ROCK1: variants seen among roughly 807,000 people sequenced by gnomAD.
ROCK1 encodes the protein Rho associated coiled-coil containing protein kinase 1.
ROCK1 carries 36 observed loss-of-function variants against 196.8 expected under a neutral mutation model. That is an observed-to-expected ratio of 0.18 (90% CI 0.14 to 0.24). The LOEUF is 0.24. ROCK1 is among the 10% of genes least tolerant of loss of function. The pLI, the probability that ROCK1 is intolerant of heterozygous loss-of-function variation, is 1.00. For missense variants in ROCK1, 920 were observed against 1,562.0 expected (o/e 0.59, Z 6.93); for synonymous variants, 443 against 515.9 (o/e 0.86, Z 1.91).
At position 20,949,602 on chromosome 18, in the gene ROCK1, C is replaced by T. The variant is rs1468654010; in HGVS notation, c.*1782G>A. 1 of 152,214 alleles carries T rather than the reference C, an allele frequency of 6.6e-6. No individual in the cohort carries two copies. The highest frequency in any genetic ancestry group is 1.9e-4 in the East Asian group (1 of 5,200). The allele number at this position is 152,214 out of a possible 1,614,324, so 9.4% of individuals were successfully genotyped here. ...CATAAATATCCTTGGAAAAGATAGT[C>T]AAAAGAAAGGTTGTCAGAGCCTCTG... On this transcript the variant is annotated 3_prime_UTR_variant, in exon 33 of 33. Coordinates refer to ENST00000399799, the MANE Select transcript of ROCK1 (RefSeq NM_005406.3).
intron 10 of ROCK1, among the ~76,000 whole-genome samples, chr18:21,026,748 A>T (rs544918280): frequency 6.6e-6 from 1 of 152,270 alleles, no homozygotes; most frequent in East Asian, 1.9e-4. Flanking sequence ...AAGATTAGTT[A>T]TAATGACCTC....
At position 20,960,123 on chromosome 18, in the gene ROCK1, A is replaced by C. The variant is rs2035312770; in HGVS notation, c.3423+13T>G. On this transcript the variant is annotated intron_variant, in intron 28 of 32. Transcript: ENST00000399799. ...ACAAAATACCAGTTAGAAAATAATT[A>C]GGTATATGGTACCTGTTTCTTCCAG... 1.3e-6 allele frequency: 2 copies of C among 1,519,936 alleles called. No individual in the cohort carries two copies. Among genetic ancestry groups the C allele is most frequent in the Non-Finnish European group, 9.1e-7 (1 of 1,096,654 alleles). 94.2% of individuals were successfully genotyped at this position (1,519,936 alleles called of 1,614,324 possible).
chr18:21,028,938 A>G lies in ROCK1; in HGVS notation c.1052-3T>C, dbSNP rs1314248325. On this transcript the variant is annotated splice_polypyrimidine_tract_variant and splice_region_variant and intron_variant, in intron 9 of 32. Coordinates refer to ENST00000399799, the MANE Select transcript of ROCK1 (RefSeq NM_005406.3). ...ATCGGGTACAACTGGTGCTACAGCT[A>G]AAGACAAAACAAAATTAGTTGTTCA... The G allele has an allele frequency of 6.2e-7, 1 of 1,604,198 alleles. No individual in the cohort carries two copies. The highest frequency in any genetic ancestry group is 8.5e-7 in the Non-Finnish European group (1 of 1,177,858).
chr18:20,974,058 C>A (rs753707099), intron 22 of ROCK1, among the ~76,000 whole-genome samples: 8 of 152,162 alleles, frequency 5.3e-5, no homozygotes, highest in Non-Finnish European at 1.2e-4. Context: ...GCGTGAGCCA[C>A]CGTGCCCAGC....
Position 20,967,639 on chromosome 18 carries a change from GAAC to G in ROCK1, c.3192+110_3192+112del, listed in dbSNP as rs2035386551. On this transcript the variant is annotated intron_variant, in intron 26 of 32. Coordinates refer to ENST00000399799, the MANE Select transcript of ROCK1 (RefSeq NM_005406.3). ...ATTTCAGTCTGAAACCAAACAGGCA[GAAC>G]CCTTGATTGTTCCCAATCTAAACAA... The G allele has an allele frequency of 5.0e-6, 4 of 806,054 alleles. No homozygotes were observed. The African/African-American group carries it at 7.1e-5, about 14-fold the overall frequency. The allele number at this position is 806,054 out of a possible 1,614,324, so 49.9% of individuals were successfully genotyped here.
At chr18:21,006,008 T>C (rs1357459154) in intron 16 of ROCK1, among the ~76,000 whole-genome samples, 3 of 152,212 alleles carry the variant, frequency 2.0e-5, no homozygotes, top group Non-Finnish European at 4.4e-5. Context: ...AATTTTATGT[T>C]ATATATTTTT....
chr18:21,097,222 A>G (rs1943239395), intron 1 of ROCK1, among the ~76,000 whole-genome samples: 1 of 152,222 alleles, frequency 6.6e-6, no homozygotes, highest in Admixed American at 6.5e-5. Context: ...TGTAGTATAG[A>G]TTATATTGGA....
At chr18:21,046,132 G>C (rs921186903) in intron 4 of ROCK1, among the ~76,000 whole-genome samples, 6 of 151,854 alleles carry the variant, frequency 4.0e-5, no homozygotes, top group African/African-American at 1.2e-4. Flanking sequence ...GGATGGTCTC[G>C]ATCTCCTGAC....
In ROCK1 at chr18:21,006,451, A is replaced by C. The variant is rs112165707; in HGVS notation, c.1785T>G (p.Ser595=). 6,500 of 1,613,752 alleles carry C rather than the reference A, an allele frequency of 4.0e-3. 29 individuals are homozygous for C. Among genetic ancestry groups the C allele is most frequent in the Non-Finnish European group, 4.1e-3 (4,829 of 1,179,924 alleles). The stretch of plus-strand genomic sequence containing the variant: ...AATAATCTTTGTCTGTTTGTGACTT[A>C]GAATTCTCTAAAATTCGATTTCTCT... The part of the protein sequence containing the change: ...LQERNRILEN[S]KSQTDKDYYQ... Residue 595 remains serine, a synonymous_variant, in exon 16 of 33, where the codon TCT becomes TCG. Transcript: ENST00000399799.
At chr18:21,073,072 A>C (rs2036399747) in intron 1 of ROCK1, among the ~76,000 whole-genome samples, 1 of 30,752 alleles carries the variant, frequency 3.3e-5, no homozygotes, top group African/African-American at 2.1e-4. Context: ...CCAAAAAAAA[A>C]AAAAAAAAAA....
chr18:21,099,504 G>A (rs1483942350), intron 1 of ROCK1, among the ~76,000 whole-genome samples: 3 of 152,180 alleles, frequency 2.0e-5, no homozygotes, highest in East Asian at 1.9e-4. Flanking sequence ...AACACTTTGG[G>A]GGGTTGTGGT....
At chr18:21,031,077 T>C (rs1455051724) in intron 9 of ROCK1, among the ~76,000 whole-genome samples, 1 of 152,118 alleles carries the variant, frequency 6.6e-6, no homozygotes, top group Non-Finnish European at 1.5e-5. Flanking sequence ...TTTTGCAAAA[T>C]TAGTTTGGAA....
chr18:21,047,304 A>T (rs981959548), intron 4 of ROCK1, among the ~76,000 whole-genome samples: 1 of 152,104 alleles, frequency 6.6e-6, no homozygotes, highest in Admixed American at 6.5e-5. Flanking sequence ...GTGAGGTGGG[A>T]AGAGTCACTA....
chr18:20,960,565 AAAAG>A lies in ROCK1; in HGVS notation c.3353-363_3353-360del, dbSNP rs770827704. 17 of 170,216 alleles carry A rather than the reference AAAAG, an allele frequency of 1.0e-4. 1 individual carries two copies. Among genetic ancestry groups the A allele is most frequent in the Non-Finnish European group, 1.5e-4 (12 of 80,520 alleles). 10.5% of individuals were successfully genotyped at this position (170,216 alleles called of 1,614,324 possible). ...TTCATATAAAAATAATCAGCAAAAA[AAAAG>A]AAAGAAAAAAATAATGCAGCAAGTG... On this transcript the variant is annotated intron_variant, in intron 27 of 32. Transcript: ENST00000399799.
At chr18:21,042,811 G>T in intron 6 of ROCK1, 102 bp from the exon 7 acceptor site, 1 of 1,133,206 alleles carries the variant, frequency 8.8e-7, no homozygotes, top group Non-Finnish European at 1.2e-6. Flanking sequence ...AAATCTTTGA[G>T]CTATAAAATA....
At chr18:21,026,985 C>T (rs1368051697) in intron 10 of ROCK1, among the ~76,000 whole-genome samples, 1 of 148,542 alleles carries the variant, frequency 6.7e-6, no homozygotes, top group East Asian at 2.0e-4. Context: ...ATTGCCCAGG[C>T]TGGAGTGCAG....
At chr18:21,022,731 C>A (rs1158854292) in intron 11 of ROCK1, among the ~76,000 whole-genome samples, 1 of 152,158 alleles carries the variant, frequency 6.6e-6, no homozygotes, top group Non-Finnish European at 1.5e-5. Flanking sequence ...TGGCTTCCCA[C>A]TCTTGTTCAT....
chr18:20,952,541 G>A (rs1357358530), intron 32 of ROCK1, among the ~76,000 whole-genome samples: 1 of 152,128 alleles, frequency 6.6e-6, no homozygotes, highest in Non-Finnish European at 1.5e-5. Flanking sequence ...ACTTTGGGAG[G>A]CTGGGGCATG....
intron 9 of ROCK1, among the ~76,000 whole-genome samples, chr18:21,037,999 T>C (rs933393125): frequency 6.6e-6 from 1 of 152,228 alleles, no homozygotes; most frequent in Non-Finnish European, 1.5e-5. Context: ...TAATTATTTA[T>C]GCATTGCTTA....
Sources: gnomAD v4.1 joint callset for allele counts (sites outside exome capture counted in the v4.1 genomes callset) on GRCh38, gnomAD v4.1.1 for gene constraint, MANE v1.5 for transcripts, NCBI Gene and HGNC (gene_info 2026-07-23, HGNC 2026-07-21) for gene names.